DLG2: variants seen among roughly 807,000 people sequenced by gnomAD.
DLG2 encodes the protein discs large MAGUK scaffold protein 2.
In DLG2, 45 loss-of-function variants were observed where a neutral mutation model predicts 132.5. The ratio of observed to expected loss-of-function variants is 0.34; its 90% confidence interval spans 0.27 to 0.44. DLG2 has a LOEUF of 0.44. DLG2 is among the 20% of genes least tolerant of loss of function. The pLI, the probability that DLG2 is intolerant of heterozygous loss-of-function variation, is 1.00. For synonymous variants in DLG2, 424 were observed against 419.6 expected (o/e 1.01, Z -0.13); for missense variants, 1,045 against 1,196.9 (o/e 0.87, Z 1.87).
At chr11:84,711,381 ATC>A (rs138110800) in intron 6 of DLG2, among the ~76,000 whole-genome samples, 1,455 of 45,408 alleles carry the variant, frequency 0.032, 12 homozygotes, top group African/African-American at 0.085. Flanking sequence ...AGAGAGAGAG[ATC>A]GATCGATCTA....
chr11:85,210,200 T>C (rs1432256501), intron 4 of DLG2, among the ~76,000 whole-genome samples: 1 of 152,146 alleles, frequency 6.6e-6, no homozygotes, highest in Non-Finnish European at 1.5e-5. Context: ...CCCTTCAATA[T>C]TCCAAGTACC....
chr11:84,181,483 G>GT (rs1432013474), intron 8 of DLG2, among the ~76,000 whole-genome samples: 1 of 151,946 alleles, frequency 6.6e-6, no homozygotes, highest in Non-Finnish European at 1.5e-5. Context: ...TTAGAAAATG[G>GT]TAACAGATAT....
chr11:85,035,468 A>G (rs1001900506), intron 6 of DLG2, among the ~76,000 whole-genome samples: 1 of 152,144 alleles, frequency 6.6e-6, no homozygotes, highest in Non-Finnish European at 1.5e-5. Context: ...CACGTCTTAC[A>G]TGGCGGCAGG....
At chr11:85,268,023 T>C (rs1332010734) in intron 4 of DLG2, among the ~76,000 whole-genome samples, 2 of 152,200 alleles carry the variant, frequency 1.3e-5, no homozygotes, top group Non-Finnish European at 2.9e-5. Flanking sequence ...CTTTCATTTA[T>C]TGAAGGTTCA....
intron 7 of DLG2, among the ~76,000 whole-genome samples, chr11:84,479,491 C>A (rs994645254): frequency 2.0e-5 from 3 of 151,972 alleles, no homozygotes; most frequent in Non-Finnish European, 4.4e-5. Flanking sequence ...ATTCTGAGGG[C>A]CTACCAAGGC....
At position 84,598,272 on chromosome 11, in the gene DLG2, T is replaced by C. The variant is rs143787516; in HGVS notation, c.358-63541A>G. On this transcript the variant is annotated intron_variant, in intron 6 of 27. Transcript: ENST00000376104. Reference sequence around the variant, plus strand: ...CAGGATCTAGGTGTAGATTACAGGTTCCTTAATTCCAAATTCAGTGCTCCT... The same window carrying C: ...CAGGATCTAGGTGTAGATTACAGGTCCCTTAATTCCAAATTCAGTGCTCCT... 1.4e-3 allele frequency among the ~76,000 whole-genome samples: 210 copies of C among 152,046 alleles called. No individual in the cohort carries two copies. In the South Asian group the frequency reaches 0.019, roughly 14 times the overall value.
intron 7 of DLG2, among the ~76,000 whole-genome samples, chr11:84,422,701 C>G (rs570780815): frequency 6.6e-6 from 1 of 152,086 alleles, no homozygotes; most frequent in African/African-American, 2.4e-5. Flanking sequence ...ATTTAATTAG[C>G]TGAAACCTAA....
intron 18 of DLG2, among the ~76,000 whole-genome samples, chr11:83,642,704 G>T (rs2066925922): frequency 6.6e-6 from 1 of 152,102 alleles, no homozygotes. Flanking sequence ...AGTTGGCAAA[G>T]CTTGTTTTCT....
At chr11:84,558,001 A>T (rs1034146920) in intron 6 of DLG2, among the ~76,000 whole-genome samples, 20 of 152,142 alleles carry the variant, frequency 1.3e-4, no homozygotes, top group African/African-American at 3.9e-4. Flanking sequence ...ATCAAGAAAA[A>T]CACTTATAAC....
intron 3 of DLG2, among the ~76,000 whole-genome samples, chr11:85,374,503 C>T (rs922849341): frequency 5.3e-5 from 8 of 152,114 alleles, no homozygotes; most frequent in African/African-American, 1.9e-4. Flanking sequence ...CCACACCTGG[C>T]TAATTTTGTA....
intron 3 of DLG2, among the ~76,000 whole-genome samples, chr11:85,582,694 A>AAAAAAAAC (rs2078626616): frequency 7.4e-6 from 1 of 136,020 alleles, no homozygotes; most frequent in Non-Finnish European, 1.6e-5. Context: ...AAAAAAAAAA[A>AAAAAAAAC]AAAAAAAAAA....
intron 6 of DLG2, among the ~76,000 whole-genome samples, chr11:84,639,126 A>G (rs529649664): frequency 1.3e-5 from 2 of 152,256 alleles, no homozygotes; most frequent in East Asian, 1.9e-4. Context: ...CATTTATTTA[A>G]GTTTCCTCAT....
chr11:83,851,920 TAAAA>T (rs754089296), intron 16 of DLG2, among the ~76,000 whole-genome samples: 4 of 128,518 alleles, frequency 3.1e-5, no homozygotes, highest in Admixed American at 1.6e-4. Flanking sequence ...CTCCGTCTCT[TAAAA>T]AAAAAAAAAA....
chr11:83,801,060 A>G (rs1419466826), intron 17 of DLG2, among the ~76,000 whole-genome samples: 2 of 152,138 alleles, frequency 1.3e-5, no homozygotes, highest in African/African-American at 4.8e-5. Context: ...ATGTTTCTCG[A>G]GAGTTTTCTC....
intron 3 of DLG2, among the ~76,000 whole-genome samples, chr11:85,475,636 C>T (rs745642599): frequency 7.9e-5 from 12 of 152,098 alleles, no homozygotes; most frequent in South Asian, 2.1e-4. Flanking sequence ...AGACTGCTGG[C>T]TGTGTTCCAT....
intron 21 of DLG2, among the ~76,000 whole-genome samples, chr11:83,531,254 T>C (rs999010678): frequency 6.6e-6 from 1 of 152,016 alleles, no homozygotes; most frequent in African/African-American, 2.4e-5. Flanking sequence ...TTGCAAAGCA[T>C]ATATATCTCA....
chr11:84,579,599 G>A (rs2099511672), intron 6 of DLG2, among the ~76,000 whole-genome samples: 1 of 152,176 alleles, frequency 6.6e-6, no homozygotes, highest in African/African-American at 2.4e-5. Context: ...CTATAATATG[G>A]TAAGAATATG....
intron 6 of DLG2, chr11:84,922,933 TA>T: frequency 1.0e-6 from 1 of 974,326 alleles, no homozygotes; most frequent in Non-Finnish European, 1.6e-6. Flanking sequence ...ACGGCAACAA[TA>T]AAACAAAGCC....
rs559133138 is a variant in DLG2, at chr11:84,537,822, A to G, written c.358-3091T>C. On this transcript the variant is annotated intron_variant, in intron 6 of 27. Coordinates refer to ENST00000376104, the MANE Select transcript of DLG2 (RefSeq NM_001142699.3). Reference sequence around the variant, plus strand: ...TTGTTGAATATAGCCATGAGCTACCATTACACAAATGGATGAAATAGATAT... The same window carrying G: ...TTGTTGAATATAGCCATGAGCTACCGTTACACAAATGGATGAAATAGATAT... Among the ~76,000 whole-genome samples, 5 of 152,358 alleles carry G rather than the reference A, an allele frequency of 3.3e-5. No individual in the cohort carries two copies. In the South Asian group the frequency reaches 1.0e-3, roughly 32 times the overall value.
Sources: gnomAD v4.1 joint callset for allele counts (sites outside exome capture counted in the v4.1 genomes callset) on GRCh38, gnomAD v4.1.1 for gene constraint, MANE v1.5 for transcripts, NCBI Gene and HGNC (gene_info 2026-07-23, HGNC 2026-07-21) for gene names.